Variants in CDK8 observed in about 807,000 individuals in gnomAD.
CDK8 encodes cyclin-dependent kinase 8.
In CDK8, 29 loss-of-function variants were observed where a neutral mutation model predicts 71.5. The ratio of observed to expected loss-of-function variants is 0.41; its 90% CI spans 0.30 to 0.55. CDK8 has a LOEUF of 0.55. Among genes scored for constraint, CDK8 ranks in the 20% least tolerant of loss-of-function variants. The pLI, the probability that CDK8 is intolerant of heterozygous loss-of-function variation, is 0.37. For synonymous variants in CDK8, 161 were observed against 192.1 expected, an observed-to-expected ratio of 0.84 and a Z score of 1.34; for missense variants, 288 against 572.6, an observed-to-expected ratio of 0.50 and a Z score of 5.07.
At chr13:26,350,067 A>G (rs1873623362) in intron 3 of CDK8, among the ~76,000 whole-genome samples, 1 of 152,210 alleles carries the variant, frequency 6.6e-6, no homozygotes, top group African/African-American at 2.4e-5. Context: ...GCTATAACAT[A>G]TAGCCTAGGT....
chr13:26,304,313 C>A (rs984988760), intron 1 of CDK8, among the ~76,000 whole-genome samples: 54 of 151,436 alleles, frequency 3.6e-4, no homozygotes, highest in Middle Eastern at 3.5e-3. Flanking sequence ...CTCTTTTATG[C>A]AATATGTAAG....
At chr13:26,271,960 T>C (rs1425279345) in intron 1 of CDK8, among the ~76,000 whole-genome samples, 1 of 151,606 alleles carries the variant, frequency 6.6e-6, no homozygotes, top group East Asian at 1.9e-4. Context: ...GCCTAGGACA[T>C]TGCTTTACAC....
In CDK8 at chr13:26,404,260, A is replaced by G. The variant is rs947691268; in HGVS notation, c.*179A>G. 12 of 620,728 alleles carry G rather than the reference A, an allele frequency of 1.9e-5. No individual in the cohort carries two copies. The highest frequency in any genetic ancestry group is 5.9e-5 in the East Asian group (2 of 33,978). The allele number at this position is 620,728 out of a possible 1,614,324, so 38.5% of individuals were successfully genotyped here. ...GGGTAGTGGCTTCCAAGTTGTACCT[A>G]TTTTGGAGTTAGACTTGAAAAGAAA... On this transcript the variant is annotated 3_prime_UTR_variant, in exon 13 of 13. Coordinates refer to ENST00000381527, the MANE Select transcript of CDK8 (RefSeq NM_001260.3).
At chr13:26,314,951 G>T (rs1324974125) in intron 1 of CDK8, among the ~76,000 whole-genome samples, 1 of 151,898 alleles carries the variant, frequency 6.6e-6, no homozygotes, top group Non-Finnish European at 1.5e-5. Flanking sequence ...TGCTAGCAAA[G>T]CTCATCAAAC....
intron 4 of CDK8, among the ~76,000 whole-genome samples, chr13:26,379,124 G>A (rs1875093294): frequency 6.6e-6 from 1 of 152,176 alleles, no homozygotes; most frequent in African/African-American, 2.4e-5. Context: ...TGGGGCATAT[G>A]TAGTGTTAAT....
intron 1 of CDK8, among the ~76,000 whole-genome samples, chr13:26,328,387 G>A (rs1351097223): frequency 6.6e-6 from 1 of 152,286 alleles, no homozygotes; most frequent in East Asian, 1.9e-4. Context: ...ACAATCTGGT[G>A]CAAGCTCCTT....
chr13:26,257,533 G>A (rs1871576857), intron 1 of CDK8, among the ~76,000 whole-genome samples: 1 of 152,064 alleles, frequency 6.6e-6, no homozygotes, highest in South Asian at 2.1e-4. Flanking sequence ...GTTCTCACTC[G>A]TGTCGCCGTA....
At chr13:26,274,398 A>G (rs1299736359) in intron 1 of CDK8, among the ~76,000 whole-genome samples, 1 of 150,882 alleles carries the variant, frequency 6.6e-6, no homozygotes, top group Non-Finnish European at 1.5e-5. Context: ...GAATTACCCA[A>G]TCATATTTTG....
At chr13:26,281,876 A>T (rs1593236626) in intron 1 of CDK8, among the ~76,000 whole-genome samples, 2 of 152,112 alleles carry the variant, frequency 1.3e-5, no homozygotes, top group Admixed American at 6.5e-5. Flanking sequence ...AGAAAAAAAG[A>T]ATCACAACTT....
At chr13:26,294,835 C>T (rs982779604) in intron 1 of CDK8, among the ~76,000 whole-genome samples, 9 of 152,046 alleles carry the variant, frequency 5.9e-5, no homozygotes, top group Admixed American at 2.6e-4. Context: ...CTGCAACCTC[C>T]GCCTCCTGGG....
At chr13:26,378,546 G>A (rs1593299663) in intron 4 of CDK8, among the ~76,000 whole-genome samples, 1 of 152,176 alleles carries the variant, frequency 6.6e-6, no homozygotes, top group East Asian at 1.9e-4. Context: ...TGGCAATCAA[G>A]GATGATCTAT....
At chr13:26,391,710 G>A (rs1307228218) in intron 6 of CDK8, among the ~76,000 whole-genome samples, 2 of 152,126 alleles carry the variant, frequency 1.3e-5, no homozygotes, top group Non-Finnish European at 2.9e-5. Context: ...AACAAAATAG[G>A]TTGGCCTATG....
At chr13:26,297,261 C>G (rs1161407570) in intron 1 of CDK8, among the ~76,000 whole-genome samples, 2 of 152,176 alleles carry the variant, frequency 1.3e-5, no homozygotes, top group East Asian at 3.9e-4. Context: ...AGGCATTGGG[C>G]TCATACAAAT....
At position 26,341,945 on chromosome 13, in the gene CDK8, G is replaced by T. The variant is rs116838882; in HGVS notation, c.204+4303G>T. ...TGTTTTCAATTTTTTTTTTTGAGAC[G>T]AAGTCTCGCTCTTTCCCCAGGCTGG... is the stretch of plus-strand genomic sequence containing the variant. On this transcript the variant is annotated intron_variant, in intron 2 of 12. Coordinates refer to ENST00000381527, the MANE Select transcript of CDK8 (RefSeq NM_001260.3). 6.4e-3 allele frequency among the ~76,000 whole-genome samples: 971 copies of T among 150,982 alleles called. 10 individuals are homozygous for T. The highest frequency in any genetic ancestry group is 0.021 in the African/African-American group (870 of 41,138).
intron 1 of CDK8, among the ~76,000 whole-genome samples, chr13:26,267,283 T>C (rs1872063106): frequency 6.6e-6 from 1 of 152,220 alleles, no homozygotes; most frequent in Non-Finnish European, 1.5e-5. Flanking sequence ...GTCCTTGAAG[T>C]AGAATTTCAG....
chr13:26,395,277 C>A (rs1016342753), intron 7 of CDK8, among the ~76,000 whole-genome samples: 1 of 152,032 alleles, frequency 6.6e-6, no homozygotes, highest in South Asian at 2.1e-4. Flanking sequence ...ATGGAGAAAC[C>A]CCGTCTCTAC....
At chr13:26,391,443 A>G (rs1480592739) in intron 6 of CDK8, among the ~76,000 whole-genome samples, 1 of 152,198 alleles carries the variant, frequency 6.6e-6, no homozygotes, top group African/African-American at 2.4e-5. Flanking sequence ...TAAACTACTT[A>G]CCTTTCATCT....
chr13:26,365,555 A>T (rs141653814), intron 4 of CDK8, among the ~76,000 whole-genome samples: 1 of 152,110 alleles, frequency 6.6e-6, no homozygotes, highest in Non-Finnish European at 1.5e-5. Flanking sequence ...AAGAATGGTT[A>T]TTCTAAATTA....
At chr13:26,374,989 T>A (rs1215554793) in intron 4 of CDK8, among the ~76,000 whole-genome samples, 2 of 152,176 alleles carry the variant, frequency 1.3e-5, no homozygotes, top group East Asian at 3.9e-4. Context: ...AGGAACAACC[T>A]TAATGTTTAA....
Sources: gnomAD v4.1 joint callset for allele counts (sites outside exome capture counted in the v4.1 genomes callset) on GRCh38, gnomAD v4.1.1 for gene constraint, MANE v1.5 for transcripts, NCBI Gene and HGNC (gene_info 2026-07-23, HGNC 2026-07-21) for gene names.